Variants in IQSEC1 observed in about 807,000 individuals in gnomAD.
IQSEC1 encodes IQ motif and Sec7 domain ArfGEF 1, also known as IQ motif and SEC7 domain-containing protein 1.
Under a neutral mutation model 91.0 loss-of-function variants are expected in IQSEC1, and 31 were observed. The observed-to-expected ratio is 0.34, with a 90% CI of 0.26 to 0.46. The LOEUF (loss-of-function observed/expected upper bound fraction) is 0.46. Among genes scored for constraint, IQSEC1 ranks in the 20% least tolerant of loss-of-function variants. IQSEC1 has a pLI of 1.00. For synonymous variants in IQSEC1, 699 were observed against 662.6 expected (o/e 1.05, Z -0.84); for missense variants, 1,388 against 1,575.6 (o/e 0.88, Z 2.02).
chr3:12,901,312 G>T lies in IQSEC1; in HGVS notation c.3016C>A (p.His1006Asn). Residue 1006 changes from histidine to asparagine, a missense_variant, in exon 14 of 14, where the codon CAC (histidine) becomes AAC (asparagine). Coordinates refer to ENST00000613206, the MANE Select transcript of IQSEC1 (RefSeq NM_001134382.3). ...HPPVVLPHLQ[H>N]SVAGHHLGPP... ...CCCAGGTGGTGGCCAGCCACAGAGT[G>T]CTGCAAGTGAGGCAGGACCACCGGT... 6.5e-7 allele frequency: 1 copy of T among 1,544,372 alleles called. No individual in the cohort carries two copies. The highest frequency in any genetic ancestry group is 8.7e-7 in the Non-Finnish European group (1 of 1,144,968).
intron 2 of IQSEC1, among the ~76,000 whole-genome samples, chr3:13,162,212 C>A (rs1341822087): frequency 6.6e-6 from 1 of 152,220 alleles, no homozygotes; most frequent in South Asian, 2.1e-4. Flanking sequence ...TGAACTTTCA[C>A]AGAATGAGGG....
At chr3:13,174,033 G>A (rs1398301385) in intron 1 of IQSEC1, among the ~76,000 whole-genome samples, 3 of 152,112 alleles carry the variant, frequency 2.0e-5, no homozygotes, top group South Asian at 2.1e-4. Context: ...ACAAGGGCTC[G>A]AACCATCCTG....
intron 3 of IQSEC1, among the ~76,000 whole-genome samples, chr3:12,932,587 C>T (rs1697776891): frequency 6.6e-6 from 1 of 152,180 alleles, no homozygotes; most frequent in Admixed American, 6.5e-5. Context: ...TTTGGGTCTT[C>T]CTAAAGCCCA....
chr3:13,183,314 T>C (rs2125021270), intron 1 of IQSEC1, among the ~76,000 whole-genome samples: 1 of 151,384 alleles, frequency 6.6e-6, no homozygotes, highest in Non-Finnish European at 1.5e-5. Context: ...ATATAATGAG[T>C]TTCTCATGCT....
chr3:12,986,739 G>A lies in IQSEC1; in HGVS notation c.24-44874C>T, dbSNP rs528992571. ...AGAGGCACATACTAGGCACTGAAGA[G>A]GACGAGGAGCTGGGACGAGAACCAG... On this transcript the variant is annotated intron_variant, in intron 1 of 13. Transcript: ENST00000613206. Among the ~76,000 whole-genome samples the A allele has an allele frequency of 2.6e-5, 4 of 152,208 alleles. No individual in the cohort carries two copies. The South Asian group carries it at 8.3e-4, about 32-fold the overall frequency.
Position 12,970,041 on chromosome 3 carries a change from C to T in IQSEC1, c.24-28176G>A, listed in dbSNP as rs889652083. On this transcript the variant is annotated intron_variant, in intron 1 of 13. Transcript: ENST00000613206. This position sits in a 1 kb window ranked among gnomAD's most constrained non-coding sequence, Gnocchi z 4.4. ...AGACTGGTCAGAATCCTTGCATGCA[C>T]CATTCAGGCAAATTGCTTAGTTTTC... is the stretch of plus-strand genomic sequence containing the variant. 2.0e-5 allele frequency among the ~76,000 whole-genome samples: 3 copies of T among 152,324 alleles called. No individual in the cohort carries two copies. The highest frequency in any genetic ancestry group is 6.8e-3 in the Middle Eastern group (2 of 294).
intron 8 of IQSEC1, among the ~76,000 whole-genome samples, chr3:12,914,633 C>T (rs1695894141): frequency 1.3e-5 from 2 of 152,070 alleles, no homozygotes; most frequent in African/African-American, 2.4e-5. Flanking sequence ...AAAGCCAGTC[C>T]ACAAGGAGGG....
At chr3:13,196,640 GAGA>G (rs1694131755) in intron 1 of IQSEC1, among the ~76,000 whole-genome samples, 1 of 152,242 alleles carries the variant, frequency 6.6e-6, no homozygotes, top group Middle Eastern at 3.2e-3. Context: ...CTTTCCCAAT[GAGA>G]AGAACACACG....
Position 12,994,738 on chromosome 3 carries a change from C to T in IQSEC1, c.24-52873G>A, listed in dbSNP as rs1194975104. Among the ~76,000 whole-genome samples the T allele has an allele frequency of 1.3e-5, 2 of 152,160 alleles. No homozygotes were observed. The highest frequency in any genetic ancestry group is 3.9e-4 in the East Asian group (2 of 5,178). ...TCCTCCGCGTCCCCTCCAGGACACA[C>T]CCTCCTGACTGTTTGGGGACGGGGT... On this transcript the variant is annotated intron_variant, in intron 1 of 13. Coordinates refer to ENST00000613206, the MANE Select transcript of IQSEC1 (RefSeq NM_001134382.3). The surrounding 1 kb of genome is among the most constrained non-coding windows in gnomAD (Gnocchi z 4.5).
intron 1 of IQSEC1, among the ~76,000 whole-genome samples, chr3:13,164,476 C>A (rs2124987192): frequency 6.6e-6 from 1 of 152,246 alleles, no homozygotes; most frequent in Middle Eastern, 3.4e-3. Context: ...GAACTCTGAC[C>A]TGGGCAGCAA....
chr3:13,263,928 G>C (rs9839059), intron 1 of IQSEC1, among the ~76,000 whole-genome samples: 44,316 of 152,126 alleles, frequency 0.29, 7,691 homozygotes, highest in African/African-American at 0.49. Context: ...AAGAAAGTCT[G>C]CTGGCCCAGC....
chr3:13,138,128 T>C (rs1706739440), intron 2 of IQSEC1, among the ~76,000 whole-genome samples: 1 of 152,064 alleles, frequency 6.6e-6, no homozygotes, highest in South Asian at 2.1e-4. Flanking sequence ...GGATGACAAA[T>C]GGCTGGCACT....
chr3:12,986,310 C>T (rs781770797), intron 1 of IQSEC1, among the ~76,000 whole-genome samples: 4 of 152,160 alleles, frequency 2.6e-5, no homozygotes, highest in Non-Finnish European at 5.9e-5. Flanking sequence ...CCCCAGGTAA[C>T]AGCAGCCCTG....
chr3:13,249,939 C>T (rs971458847), intron 1 of IQSEC1, among the ~76,000 whole-genome samples: 1 of 152,246 alleles, frequency 6.6e-6, no homozygotes, highest in Non-Finnish European at 1.5e-5. Context: ...GATTAGCCTC[C>T]CTGGGCTCAG....
chr3:12,911,603 C>T, intron 10 of IQSEC1, 26 bp downstream of exon 10: 1 of 1,551,632 alleles, frequency 6.4e-7, no homozygotes, highest in Non-Finnish European at 8.9e-7. Flanking sequence ...TGCGCTCTTC[C>T]AGGCAGGCCC....
chr3:13,028,785 G>A (rs746330036), intron 1 of IQSEC1, among the ~76,000 whole-genome samples: 11 of 152,198 alleles, frequency 7.2e-5, no homozygotes, highest in South Asian at 2.1e-4. Flanking sequence ...CATAGGCACC[G>A]GAGGCTCTGG....
At chr3:13,265,916 C>A (rs945507358) in intron 1 of IQSEC1, among the ~76,000 whole-genome samples, 458 of 110,562 alleles carry the variant, frequency 4.1e-3, no homozygotes, top group South Asian at 7.5e-3. Context: ...TGCTTTATTG[C>A]AAAAAAAAAA....
At chr3:13,121,887 C>T (rs144562372) in intron 2 of IQSEC1, among the ~76,000 whole-genome samples, 15 of 152,300 alleles carry the variant, frequency 9.8e-5, no homozygotes, top group African/African-American at 3.4e-4. Context: ...TACGGAACTG[C>T]CCCCTGGGCT....
At chr3:13,120,419 G>A (rs1478033156) in intron 2 of IQSEC1, among the ~76,000 whole-genome samples, 1 of 152,156 alleles carries the variant, frequency 6.6e-6, no homozygotes, top group South Asian at 2.1e-4. Flanking sequence ...CAAGGATGGA[G>A]GAAAGGTCCC....
Sources: allele counts gnomAD v4.1 joint callset (sites outside exome capture counted in the v4.1 genomes callset), GRCh38; gene constraint gnomAD v4.1.1; non-coding constraint Gnocchi (gnomAD v3.1); transcripts MANE v1.5; gene names NCBI Gene and HGNC (gene_info 2026-07-23, HGNC 2026-07-21).